SLC15A4: variants seen among roughly 807,000 people sequenced by gnomAD.
SLC15A4 encodes the protein hPHT1.
In SLC15A4, 26 loss-of-function variants were observed where a neutral mutation model predicts 46.1. The ratio of observed to expected loss-of-function variants is 0.56; its 90% CI spans 0.41 to 0.78. The LOEUF (loss-of-function observed/expected upper bound fraction) is 0.78, where lower values mean the gene tolerates loss of function less well. SLC15A4 is among the 30% of genes least tolerant of loss of function. The pLI is 0.00. For synonymous variants in SLC15A4, 370 were observed against 333.4 expected (o/e 1.11, Z -1.20); for missense variants, 751 against 755.7 (o/e 0.99, Z 0.07).
chr12:128,800,864 T>C lies in SLC15A4; in HGVS notation c.1404A>G (p.Ala468=), dbSNP rs1013476805. ...YLLIGISEIF[A]SIAGLEFAYS... ...ACTAAAGGTCCTCACCTGCGATACTTGCAAAGATCTCGCTGATCCCAATCA... is the reference window on the plus strand; with the variant it reads ...ACTAAAGGTCCTCACCTGCGATACTCGCAAAGATCTCGCTGATCCCAATCA... The change falls in exon 6 of 8, where the codon GCA becomes GCG. Residue 468 remains alanine (A), a synonymous_variant. Transcript: ENST00000266771. The C allele has an allele frequency of 3.1e-6, 5 of 1,611,232 alleles. No homozygotes were observed. In the Admixed American group the frequency reaches 6.7e-5, roughly 22 times the overall value.
intron 5 of SLC15A4, among the ~76,000 whole-genome samples, chr12:128,802,786 A>G (rs1955532903): frequency 6.6e-6 from 1 of 152,226 alleles, no homozygotes; most frequent in East Asian, 1.9e-4. Flanking sequence ...GAGAGACACA[A>G]ATGATGAGAT....
intron 1 of SLC15A4, among the ~76,000 whole-genome samples, chr12:128,820,405 A>G (rs1054127032): frequency 2.0e-5 from 3 of 152,236 alleles, no homozygotes; most frequent in African/African-American, 7.2e-5. Context: ...ACATATGTAA[A>G]GCATACGCCA....
chr12:128,821,650 G>A (rs1955840221), intron 1 of SLC15A4, among the ~76,000 whole-genome samples: 1 of 152,182 alleles, frequency 6.6e-6, no homozygotes, highest in Non-Finnish European at 1.5e-5. Context: ...CACTTTGGGA[G>A]GCCGAGGCAG....
At chr12:128,817,192 G>A (rs1012186130) in intron 1 of SLC15A4, among the ~76,000 whole-genome samples, 2 of 152,200 alleles carry the variant, frequency 1.3e-5, no homozygotes, top group Admixed American at 1.3e-4. Flanking sequence ...ACCAAATGCA[G>A]ACATCTCTAC....
At chr12:128,804,556 C>A (rs1285228780) in intron 5 of SLC15A4, among the ~76,000 whole-genome samples, 1 of 152,112 alleles carries the variant, frequency 6.6e-6, no homozygotes, top group South Asian at 2.1e-4. Flanking sequence ...ATGGTGAAAC[C>A]CCGTCTCTAC....
chr12:128,818,378 A>G (rs979301448), intron 1 of SLC15A4, among the ~76,000 whole-genome samples: 5 of 152,214 alleles, frequency 3.3e-5, no homozygotes, highest in African/African-American at 1.2e-4. Context: ...TGAAGAGGTA[A>G]GTGACAAAGA....
chr12:128,799,107 A>G, intron 7 of SLC15A4, 152 bp downstream of exon 7: 1 of 766,172 alleles, frequency 1.3e-6, no homozygotes, highest in African/African-American at 1.7e-5. Context: ...TGATGCAAGC[A>G]GCACAGAGCA....
intron 5 of SLC15A4, among the ~76,000 whole-genome samples, chr12:128,803,837 C>T (rs543431852): frequency 6.6e-6 from 1 of 150,884 alleles, no homozygotes; most frequent in South Asian, 2.1e-4. Flanking sequence ...GACGACACGA[C>T]GAATTGGACA....
chr12:128,805,980 G>T (rs1955582278), intron 5 of SLC15A4, among the ~76,000 whole-genome samples: 1 of 151,624 alleles, frequency 6.6e-6, no homozygotes, highest in South Asian at 2.1e-4. Context: ...AGGAGATCGA[G>T]ACCACGATGA....
At chr12:128,806,167 A>AAAAAG in intron 5 of SLC15A4, among the ~76,000 whole-genome samples, 1 of 149,360 alleles carries the variant, frequency 6.7e-6, no homozygotes, top group Admixed American at 6.7e-5. Context: ...CTCTGTCTCA[A>AAAAAG]AAAAAAAAAA....
intron 7 of SLC15A4, among the ~76,000 whole-genome samples, chr12:128,794,697 C>G (rs3825180): frequency 6.6e-6 from 1 of 151,938 alleles, no homozygotes; most frequent in Non-Finnish European, 1.5e-5. Flanking sequence ...AAAATCCCTG[C>G]GTGGCCTGCA....
intron 5 of SLC15A4, among the ~76,000 whole-genome samples, chr12:128,804,602 C>G (rs570323208): frequency 6.6e-6 from 1 of 152,116 alleles, no homozygotes; most frequent in Non-Finnish European, 1.5e-5. Flanking sequence ...TGGTGGCAGG[C>G]GCCTGTAATC....
At chr12:128,799,193 T>C in intron 7 of SLC15A4, 66 bp downstream of exon 7, 1 of 1,576,720 alleles carries the variant, frequency 6.3e-7, no homozygotes, top group East Asian at 2.2e-5. Context: ...CACTCAGCCA[T>C]CTCCTGAGTG....
chr12:128,823,355 G>A, intron 1 of SLC15A4, 43 bp downstream of exon 1: 1 of 1,358,976 alleles, frequency 7.4e-7, no homozygotes, highest in Non-Finnish European at 9.4e-7. Context: ...GGCTGGGCAG[G>A]GGCTGGACAG....
At position 128,823,477 on chromosome 12, in the gene SLC15A4, G is replaced by A. The variant is rs750106632; in HGVS notation, c.467C>T (p.Ala156Val). The A allele has an allele frequency of 1.4e-5, 21 of 1,484,500 alleles. No individual in the cohort carries two copies. In the South Asian group the frequency reaches 2.5e-4, roughly 18 times the overall value. 92.0% of individuals were successfully genotyped at this position (1,484,500 alleles called of 1,614,324 possible). A position where few individuals can be genotyped will look rare whatever the true frequency, so the allele number is the denominator to read the frequency against. ...PDAAARCCSP[A>V]TFAGLVLVGL... ...CACCAGCACCAGCCCCGCGAAGGTG[G>A]CCGGTGAGCAGCAGCGGGCGGCGGC... The change falls in exon 1 of 8, where the codon GCC (alanine) becomes GTC (valine). Residue 156 changes from alanine (A) to valine (V), a missense_variant. Physicochemically the swap from Ala to Val is moderately conservative, Grantham distance 64 (BLOSUM62 0). Transcript: ENST00000266771.
At chr12:128,814,712 G>T in intron 2 of SLC15A4, 63 bp downstream of exon 2, 1 of 1,538,564 alleles carries the variant, frequency 6.5e-7, no homozygotes, top group Non-Finnish European at 8.9e-7. Flanking sequence ...CCGAAGCTAG[G>T]ATGTTAATAA....
At chr12:128,822,162 T>G (rs1374116692) in intron 1 of SLC15A4, among the ~76,000 whole-genome samples, 1 of 152,220 alleles carries the variant, frequency 6.6e-6, no homozygotes, top group African/African-American at 2.4e-5. Flanking sequence ...GGCGGCCTAT[T>G]CTGCATATAA....
intron 5 of SLC15A4, among the ~76,000 whole-genome samples, chr12:128,805,698 A>G (rs887279704): frequency 6.6e-6 from 1 of 152,090 alleles, no homozygotes; most frequent in Non-Finnish European, 1.5e-5. Flanking sequence ...CGCATGGCTA[A>G]TTTTAGTATT....
At chr12:128,803,071 C>T (rs1955536563) in intron 5 of SLC15A4, among the ~76,000 whole-genome samples, 1 of 151,892 alleles carries the variant, frequency 6.6e-6, no homozygotes, top group Non-Finnish European at 1.5e-5. Context: ...AAGCGGGCAC[C>T]CAGTAAAAAC....
Sources: allele counts gnomAD v4.1 joint callset (sites outside exome capture counted in the v4.1 genomes callset), GRCh38; gene constraint gnomAD v4.1.1; transcripts MANE v1.5; gene names NCBI Gene and HGNC (gene_info 2026-07-23, HGNC 2026-07-21).